The following ATXN1 variants were observed in gnomAD, a reference collection of about 807,000 sequenced individuals.
The protein encoded by ATXN1 is ataxin-1.
In ATXN1, 8 loss-of-function variants were observed where a neutral mutation model predicts 56.4. That is an observed-to-expected ratio of 0.14 (90% CI 0.08 to 0.26). The LOEUF is 0.26. ATXN1 is among the 10% of genes least tolerant of loss of function. ATXN1 has a pLI of 1.00. For synonymous variants in ATXN1, 514 were observed against 494.6 expected (o/e 1.04, Z -0.52); for missense variants, 987 against 1,106.5 (o/e 0.89, Z 1.53).
At chr6:16,608,821 A>C (rs189429732) in intron 3 of ATXN1, among the ~76,000 whole-genome samples, 1 of 152,344 alleles carries the variant, frequency 6.6e-6, no homozygotes, top group Non-Finnish European at 1.5e-5. Flanking sequence ...AACTTTTTAC[A>C]TTACTTGGTG....
chr6:16,383,369 G>A (rs1441339988), intron 6 of ATXN1, among the ~76,000 whole-genome samples: 2 of 152,132 alleles, frequency 1.3e-5, no homozygotes, highest in Admixed American at 6.5e-5. Flanking sequence ...AATATTAAAT[G>A]TAGTTATATA....
At chr6:16,606,841 T>G (rs1230647919) in intron 3 of ATXN1, among the ~76,000 whole-genome samples, 1 of 90,334 alleles carries the variant, frequency 1.1e-5, no homozygotes, top group African/African-American at 3.7e-5. Context: ...AATTGAATTT[T>G]GGGGGAAAGT....
At chr6:16,380,660 C>T (rs1033280395) in intron 6 of ATXN1, among the ~76,000 whole-genome samples, 2 of 152,032 alleles carry the variant, frequency 1.3e-5, no homozygotes, top group Admixed American at 1.3e-4. Flanking sequence ...GGCTTGTAGG[C>T]CATAAATAGC....
intron 2 of ATXN1, among the ~76,000 whole-genome samples, chr6:16,729,568 A>G (rs538421411): frequency 6.6e-6 from 1 of 152,294 alleles, no homozygotes; most frequent in South Asian, 2.1e-4. Context: ...TGCAACTTAA[A>G]TGAGGCAATA....
intron 6 of ATXN1, among the ~76,000 whole-genome samples, chr6:16,468,476 AC>A (rs1760152701): frequency 1.3e-5 from 2 of 152,222 alleles, no homozygotes; most frequent in Non-Finnish European, 2.9e-5. Flanking sequence ...GGCGTGAGCC[AC>A]CATGCCTGGC....
In ATXN1 at chr6:16,305,001, C is replaced by G. The variant is rs941335123; in HGVS notation, c.*1328G>C. 8 of 152,656 alleles carry G rather than the reference C, an allele frequency of 5.2e-5. No individual in the cohort carries two copies. The highest frequency in any genetic ancestry group is 3.9e-4 in the Admixed American group (6 of 15,288). 9.5% of individuals were successfully genotyped at this position (152,656 alleles called of 1,614,324 possible). Reference sequence around the variant, plus strand: ...TTGTCACATACTAGTTCATAATTCACATTCATCCCTTTAAACCACATTGAA... The same window carrying G: ...TTGTCACATACTAGTTCATAATTCAGATTCATCCCTTTAAACCACATTGAA... On this transcript the variant is annotated 3_prime_UTR_variant, in exon 8 of 8. Coordinates refer to ENST00000436367, the MANE Select transcript of ATXN1 (RefSeq NM_001128164.2).
At chr6:16,354,411 C>T (rs1319322462) in intron 6 of ATXN1, among the ~76,000 whole-genome samples, 1 of 152,088 alleles carries the variant, frequency 6.6e-6, no homozygotes, top group Non-Finnish European at 1.5e-5. Flanking sequence ...GTGTGCGCCA[C>T]CATGCCTGGC....
intron 4 of ATXN1, among the ~76,000 whole-genome samples, chr6:16,558,298 G>A (rs1418078961): frequency 1.4e-5 from 1 of 71,526 alleles, no homozygotes; most frequent in Non-Finnish European, 2.3e-5. Context: ...GAGATCCTGT[G>A]TCAAAAAAAA....
intron 6 of ATXN1, among the ~76,000 whole-genome samples, chr6:16,337,870 G>A (rs1761157830): frequency 6.6e-6 from 1 of 152,168 alleles, no homozygotes; most frequent in Non-Finnish European, 1.5e-5. Flanking sequence ...GCAAGAAGAT[G>A]AAAAGTATTG....
At chr6:16,575,738 C>T (rs2113754962) in intron 4 of ATXN1, among the ~76,000 whole-genome samples, 2 of 152,290 alleles carry the variant, frequency 1.3e-5, no homozygotes, top group South Asian at 4.1e-4. Context: ...GGCACATTTG[C>T]AAGTCCTTAT....
intron 2 of ATXN1, chr6:16,739,734 G>A (rs771445970): frequency 1.7e-4 from 73 of 440,998 alleles, no homozygotes; most frequent in African/African-American, 6.8e-4. Context: ...CAGGGATGTC[G>A]TCCAAGAGGA....
At chr6:16,672,361 T>C (rs1445054077) in intron 2 of ATXN1, among the ~76,000 whole-genome samples, 1 of 152,248 alleles carries the variant, frequency 6.6e-6, no homozygotes, top group East Asian at 1.9e-4. Context: ...AAACCCATTT[T>C]TATAACACTT....
At chr6:16,402,843 G>A (rs1486522005) in intron 6 of ATXN1, among the ~76,000 whole-genome samples, 1 of 152,202 alleles carries the variant, frequency 6.6e-6, no homozygotes, top group Non-Finnish European at 1.5e-5. Flanking sequence ...GAGGTTCTGG[G>A]CTTTTTATGG....
chr6:16,743,549 A>G (rs972722256), intron 2 of ATXN1, among the ~76,000 whole-genome samples: 37 of 152,356 alleles, frequency 2.4e-4, no homozygotes, highest in African/African-American at 8.9e-4. Context: ...GAATGCCCGT[A>G]TGTATTGCCC....
At chr6:16,663,733 T>C (rs746715201) in intron 2 of ATXN1, among the ~76,000 whole-genome samples, 2 of 151,984 alleles carry the variant, frequency 1.3e-5, no homozygotes, top group East Asian at 1.9e-4. Context: ...GGTGTGATCA[T>C]AGCTCACGGC....
intron 4 of ATXN1, among the ~76,000 whole-genome samples, chr6:16,582,543 C>T (rs560195969): frequency 1.1e-4 from 17 of 152,146 alleles, no homozygotes; most frequent in Non-Finnish European, 2.4e-4. Flanking sequence ...TGGGACTTTG[C>T]GAACTAAGAT....
At position 16,416,082 on chromosome 6, in the gene ATXN1, C is replaced by A. The variant is rs1316424458; in HGVS notation, c.-161+69890G>T. Among the ~76,000 whole-genome samples, 20 of 127,202 alleles carry A rather than the reference C, an allele frequency of 1.6e-4. No homozygotes were observed. The East Asian group carries it at 3.9e-3, about 25-fold the overall frequency. The allele number at this position is 127,202 out of a possible 152,430, so 83.4% of individuals were successfully genotyped here. On this transcript the variant is annotated intron_variant, in intron 6 of 7. Transcript: ENST00000436367. ...TTTAATTTATTCACAAGAAGAACTA[C>A]CAAGCTTTCAAAAAAAAAAAAAAAA...
At chr6:16,476,424 T>G (rs1760327678) in intron 6 of ATXN1, among the ~76,000 whole-genome samples, 1 of 152,188 alleles carries the variant, frequency 6.6e-6, no homozygotes, top group South Asian at 2.1e-4. Flanking sequence ...TTAGTTGTAT[T>G]TCTTATTCAT....
chr6:16,754,005 G>A (rs1760806527), intron 1 of ATXN1: 1 of 152,204 alleles, frequency 6.6e-6, no homozygotes, highest in African/African-American at 2.4e-5. Context: ...TGTGTGAATG[G>A]ATGAATGAAA....
Sources: gnomAD v4.1 joint callset for allele counts (sites outside exome capture counted in the v4.1 genomes callset) on GRCh38, gnomAD v4.1.1 for gene constraint, MANE v1.5 for transcripts, NCBI Gene and HGNC (gene_info 2026-07-23, HGNC 2026-07-21) for gene names.